STPG2: variants seen among roughly 807,000 people sequenced by gnomAD.
STPG2 encodes sperm tail PG-rich repeat containing 2.
Under a neutral mutation model 54.2 loss-of-function variants are expected in STPG2, and 56 were observed. That is an observed-to-expected ratio of 1.03 (90% CI 0.83 to 1.29). The LOEUF is 1.29. Among genes scored for constraint, STPG2 ranks in the 50% most tolerant of loss-of-function variants. The pLI is 0.00. For synonymous variants in STPG2, 200 were observed against 181.8 expected (o/e 1.10, Z -0.81); for missense variants, 596 against 544.9 (o/e 1.09, Z -0.93).
intron 10 of STPG2, among the ~76,000 whole-genome samples, chr4:97,611,172 C>T (rs1697935530): frequency 6.6e-6 from 1 of 151,710 alleles, no homozygotes; most frequent in African/African-American, 2.4e-5. Flanking sequence ...AAAGTACAAA[C>T]TTAACAAATT....
intron 7 of STPG2, among the ~76,000 whole-genome samples, chr4:97,957,479 A>G (rs1357291772): frequency 6.6e-6 from 1 of 151,718 alleles, no homozygotes; most frequent in Admixed American, 6.5e-5. Flanking sequence ...GAAATCTAGA[A>G]GTTTGGAAAA....
intron 8 of STPG2, among the ~76,000 whole-genome samples, chr4:97,851,500 C>T (rs866129123): frequency 6.6e-6 from 1 of 152,170 alleles, no homozygotes; most frequent in African/African-American, 2.4e-5. Flanking sequence ...CTTTATTTAG[C>T]AAAGCCTAAA....
chr4:97,771,250 T>A (rs3911415), intron 9 of STPG2, among the ~76,000 whole-genome samples: 37,096 of 151,900 alleles, frequency 0.24, 5,261 homozygotes, highest in Middle Eastern at 0.36. Flanking sequence ...ACACGGGGAT[T>A]TAAACAGAAA....
At chr4:97,748,261 T>C (rs1725480099) in intron 9 of STPG2, among the ~76,000 whole-genome samples, 7 of 151,538 alleles carry the variant, frequency 4.6e-5, no homozygotes, top group Admixed American at 3.3e-4. Context: ...AAAATACAAA[T>C]GTTAAGATGT....
rs1391370894 is a variant in STPG2, at chr4:97,542,627, T to C, written c.462+170072A>G. Among the ~76,000 whole-genome samples the C allele has an allele frequency of 2.0e-4, 31 of 151,974 alleles. 1 individual carries two copies. Among genetic ancestry groups the C allele is most frequent in the African/African-American group, 7.2e-4 (30 of 41,492 alleles). ...CAGCCATCCCATTACTGGGTATATA[T>C]CCAAAGCAATATAAATCATGTTGCT... On this transcript the variant is annotated intron_variant, in intron 4 of 4. Coordinates refer to the STPG2 transcript ENST00000522676.
chr4:97,544,723 TA>T (rs1219005818), intron 4 of STPG2, among the ~76,000 whole-genome samples: 2 of 152,116 alleles, frequency 1.3e-5, no homozygotes, highest in Non-Finnish European at 2.9e-5. Flanking sequence ...ACATAGTGCC[TA>T]ATCTCTACTT....
chr4:97,759,564 G>A (rs1725828422), intron 9 of STPG2, among the ~76,000 whole-genome samples: 1 of 152,150 alleles, frequency 6.6e-6, no homozygotes, highest in Admixed American at 6.6e-5. Context: ...TAGCAATATT[G>A]CAAGGTCAGG....
chr4:97,866,427 T>C (rs1729782943), intron 8 of STPG2, among the ~76,000 whole-genome samples: 1 of 152,054 alleles, frequency 6.6e-6, no homozygotes, highest in South Asian at 2.1e-4. Flanking sequence ...AAATCATTTA[T>C]CCTTACATAT....
intron 3 of STPG2, among the ~76,000 whole-genome samples, chr4:98,121,312 G>A (rs936948376): frequency 3.9e-5 from 6 of 152,202 alleles, no homozygotes; most frequent in Non-Finnish European, 8.8e-5. Context: ...ATAGGTTGAA[G>A]TCAGCTAGTG....
chr4:97,571,194 G>A (rs1036946093), intron 10 of STPG2, among the ~76,000 whole-genome samples: 4 of 151,906 alleles, frequency 2.6e-5, no homozygotes, highest in African/African-American at 9.7e-5. Flanking sequence ...TTATAGCACA[G>A]GTAAAATAAT....
chr4:98,069,450 C>G (rs944119162), intron 5 of STPG2, among the ~76,000 whole-genome samples: 1 of 151,820 alleles, frequency 6.6e-6, no homozygotes, highest in African/African-American at 2.4e-5. Flanking sequence ...ATTAGTGTGC[C>G]CTTAATCAGC....
chr4:97,805,902 T>G (rs555842643), intron 9 of STPG2, among the ~76,000 whole-genome samples: 4 of 151,364 alleles, frequency 2.6e-5, no homozygotes, highest in African/African-American at 7.3e-5. Flanking sequence ...ACATTGTTAG[T>G]AGGAATGTAA....
At chr4:97,986,308 T>G (rs1315147503) in intron 5 of STPG2, among the ~76,000 whole-genome samples, 1 of 152,216 alleles carries the variant, frequency 6.6e-6, no homozygotes, top group Non-Finnish European at 1.5e-5. Flanking sequence ...GTCTGGAGGC[T>G]GCCACATAAT....
At chr4:97,817,958 C>G (rs1165580994) in intron 9 of STPG2, among the ~76,000 whole-genome samples, 1 of 151,726 alleles carries the variant, frequency 6.6e-6, no homozygotes, top group Non-Finnish European at 1.5e-5. Context: ...TCAGAGTCAT[C>G]CTTCCTTTTC....
intron 9 of STPG2, among the ~76,000 whole-genome samples, chr4:97,827,055 G>T (rs1212855517): frequency 6.6e-6 from 1 of 152,020 alleles, no homozygotes; most frequent in Non-Finnish European, 1.5e-5. Flanking sequence ...GTAAAATAGA[G>T]GAAAAAACTT....
chr4:97,794,445 T>C (rs185630162), intron 9 of STPG2, among the ~76,000 whole-genome samples: 100 of 152,224 alleles, frequency 6.6e-4, no homozygotes, highest in African/African-American at 2.3e-3. Flanking sequence ...TTGAAATCTA[T>C]TGCAATTAGA....
At chr4:97,494,958 G>GA (rs1024752778) in intron 4 of STPG2, among the ~76,000 whole-genome samples, 36 of 150,638 alleles carry the variant, frequency 2.4e-4, no homozygotes, top group Non-Finnish European at 4.0e-4. Flanking sequence ...GCTGATAAAA[G>GA]AAAAAAGAAA....
At chr4:97,659,979 G>A (rs556671163) in intron 10 of STPG2, among the ~76,000 whole-genome samples, 58 of 151,954 alleles carry the variant, frequency 3.8e-4, no homozygotes, top group Middle Eastern at 3.5e-3. Context: ...AAAAGAGAGA[G>A]ACATTTGTAG....
intron 9 of STPG2, among the ~76,000 whole-genome samples, chr4:97,773,949 A>G (rs925276887): frequency 5.3e-5 from 8 of 151,852 alleles, no homozygotes; most frequent in Non-Finnish European, 8.8e-5. Context: ...CAGGGCTTCA[A>G]GTCCAACCTG....
Sources: gnomAD v4.1 joint callset for allele counts (sites outside exome capture counted in the v4.1 genomes callset) on GRCh38, gnomAD v4.1.1 for gene constraint, MANE v1.5 for transcripts, NCBI Gene and HGNC (gene_info 2026-07-23, HGNC 2026-07-21) for gene names.